The following KLF12 variants were observed in gnomAD, a reference collection of about 807,000 sequenced individuals.
KLF12 encodes the protein Krueppel-like factor 12.
A neutral mutation model predicts 37.8 loss-of-function variants in KLF12; 9 were observed. That is an observed-to-expected ratio of 0.24 (90% CI 0.14 to 0.42). The LOEUF (loss-of-function observed/expected upper bound fraction) is 0.42. Ranked by LOEUF, KLF12 falls within the 10% of genes least tolerant of loss-of-function variation. The pLI is 1.00. For synonymous variants in KLF12, 208 were observed against 202.1 expected (o/e 1.03, Z -0.25); for missense variants, 411 against 516.0 (o/e 0.80, Z 1.97).
chr13:73,780,748 C>T (rs988123097), intron 5 of KLF12, among the ~76,000 whole-genome samples: 1 of 152,238 alleles, frequency 6.6e-6, no homozygotes, highest in African/African-American at 2.4e-5. Context: ...AGGCGTGAGC[C>T]ACCGCGCCCA....
rs569439963 is a variant in KLF12, at chr13:73,694,436, C to T, written c.*1054G>A. 81 of 152,702 alleles carry T rather than the reference C, an allele frequency of 5.3e-4. No individual in the cohort carries two copies. Among genetic ancestry groups the T allele is most frequent in the African/African-American group, 1.8e-3 (75 of 41,558 alleles). 9.5% of individuals were successfully genotyped at this position (152,702 alleles called of 1,614,324 possible). A position where few individuals can be genotyped will look rare whatever the true frequency, so the allele number is the denominator to read the frequency against. ...CTTTAGTAAGTATGAAAATTGGTAA[C>T]GTGAGTCCTCAGTGAAGTTATTGTA... is the stretch of plus-strand genomic sequence containing the variant. On this transcript the variant is annotated 3_prime_UTR_variant, in exon 8 of 8. Transcript: ENST00000377669.
At chr13:73,763,685 G>A (rs988985556) in intron 6 of KLF12, among the ~76,000 whole-genome samples, 1 of 152,114 alleles carries the variant, frequency 6.6e-6, no homozygotes, top group African/African-American at 2.4e-5. Context: ...TGACAACTCT[G>A]TACTCTACCC....
Position 73,840,490 on chromosome 13 carries a change from A to G in KLF12, c.670+5337T>C, listed in dbSNP as rs543429429. Among the ~76,000 whole-genome samples the G allele has an allele frequency of 9.9e-5, 15 of 152,180 alleles. No individual in the cohort carries two copies. In the South Asian group the frequency reaches 1.9e-3, roughly 19 times the overall value. ...GGCATATCAAATTTAACACGTCCCAAAGGGAATTCCTCTCTCAACCCCACT... is the reference window on the plus strand; with the variant it reads ...GGCATATCAAATTTAACACGTCCCAGAGGGAATTCCTCTCTCAACCCCACT... On this transcript the variant is annotated intron_variant, in intron 4 of 7. Transcript: ENST00000377669.
the KLF12 span, among the ~76,000 whole-genome samples, chr13:74,273,784 A>C: frequency 2.0e-5 from 3 of 152,130 alleles, no homozygotes; most frequent in African/African-American, 7.2e-5. Flanking sequence ...AGGAGTTCAA[A>C]TAGTACAAGG....
At chr13:73,941,868 C>T (rs1051643642) in intron 3 of KLF12, among the ~76,000 whole-genome samples, 6 of 152,032 alleles carry the variant, frequency 3.9e-5, no homozygotes, top group Admixed American at 3.3e-4. Flanking sequence ...GTTCTATTTC[C>T]CTCCAACATG....
the KLF12 span, among the ~76,000 whole-genome samples, chr13:74,244,829 C>T: frequency 1.8e-4 from 28 of 152,258 alleles, no homozygotes; most frequent in Non-Finnish European, 3.4e-4. Flanking sequence ...GTTTTGAATT[C>T]CCCCAGCACA....
At chr13:74,284,701 T>G in the KLF12 span, among the ~76,000 whole-genome samples, 5 of 152,110 alleles carry the variant, frequency 3.3e-5, no homozygotes, top group African/African-American at 4.8e-5. Flanking sequence ...CAATGGTGGC[T>G]TTGGAGGTGA....
intron 5 of KLF12, among the ~76,000 whole-genome samples, chr13:73,786,161 T>G (rs1353061112): frequency 1.3e-5 from 2 of 152,128 alleles, no homozygotes; most frequent in Admixed American, 1.3e-4. Context: ...CAGCTCCAAT[T>G]AGAGGTGCAA....
At chr13:74,184,293 A>G in the KLF12 span, among the ~76,000 whole-genome samples, 1 of 152,230 alleles carries the variant, frequency 6.6e-6, no homozygotes, top group Non-Finnish European at 1.5e-5. Flanking sequence ...TCATTTCAGA[A>G]GATAATTAAA....
At chr13:74,070,181 T>C (rs9543518) in intron 1 of KLF12, among the ~76,000 whole-genome samples, 106,685 of 152,102 alleles carry the variant, frequency 0.7, 39,549 homozygotes, top group East Asian at 0.9. Flanking sequence ...GACTACAAAG[T>C]GACAGGAAGC....
the KLF12 span, among the ~76,000 whole-genome samples, chr13:74,238,827 C>T: frequency 6.6e-6 from 1 of 152,066 alleles, no homozygotes; most frequent in Non-Finnish European, 1.5e-5. Flanking sequence ...TGATTCTTCT[C>T]TCTTTTTTTC....
rs376741401 is a variant in KLF12, at chr13:74,071,671, C to G, written c.-32+62068G>C. Among the ~76,000 whole-genome samples the G allele has an allele frequency of 2.6e-5, 4 of 151,842 alleles. No homozygotes were observed. The East Asian group carries it at 5.8e-4, about 22-fold the overall frequency. ...TCGCACCACTGCACTCCAGCCTGGG[C>G]GACAGAGCGAGACTCCGTCTCAAAA... On this transcript the variant is annotated intron_variant, in intron 1 of 7. Transcript: ENST00000377669.
chr13:73,744,943 C>T (rs1020246464), intron 6 of KLF12, among the ~76,000 whole-genome samples: 2 of 152,074 alleles, frequency 1.3e-5, no homozygotes, highest in African/African-American at 4.8e-5. Flanking sequence ...AATTCTGAGG[C>T]CATGGTTGCA....
chr13:74,112,633 A>C (rs535475903), intron 1 of KLF12, among the ~76,000 whole-genome samples: 1 of 152,124 alleles, frequency 6.6e-6, no homozygotes, highest in African/African-American at 2.4e-5. Flanking sequence ...TGACCTTCTA[A>C]GACAGTGAAC....
chr13:74,049,490 A>G lies in KLF12; in HGVS notation c.-31-54437T>C, dbSNP rs141351033. Among the ~76,000 whole-genome samples the G allele has an allele frequency of 1.4e-3, 212 of 152,344 alleles. 2 individuals are homozygous for G. Among genetic ancestry groups the G allele is most frequent in the African/African-American group, 4.9e-3 (204 of 41,572 alleles). ...GCTTAGTGCCCCACACAGAGATTAC[A>G]GACATTATTAATGCACTCACCAAAT... On this transcript the variant is annotated intron_variant, in intron 1 of 7. Coordinates refer to ENST00000377669, the MANE Select transcript of KLF12 (RefSeq NM_007249.5).
chr13:74,015,011 T>C (rs535469742), intron 1 of KLF12, among the ~76,000 whole-genome samples: 1 of 152,296 alleles, frequency 6.6e-6, no homozygotes, highest in Admixed American at 6.5e-5. Flanking sequence ...CTACAGTTTA[T>C]TACCTTTTCA....
chr13:73,855,335 G>A (rs8000475), intron 3 of KLF12, among the ~76,000 whole-genome samples: 3,427 of 152,232 alleles, frequency 0.023, 124 homozygotes, highest in African/African-American at 0.077. Context: ...GTGAGAACAC[G>A]TGGTATTTGG....
chr13:73,720,231 G>C (rs556025197), intron 6 of KLF12, among the ~76,000 whole-genome samples: 1 of 152,250 alleles, frequency 6.6e-6, no homozygotes, highest in South Asian at 2.1e-4. Flanking sequence ...TTAGGTAACA[G>C]AACAGCTGGG....
At chr13:73,846,424 T>C in intron 3 of KLF12, 51 bp from the exon 4 acceptor site, 1 of 1,475,494 alleles carries the variant, frequency 6.8e-7, no homozygotes, top group Non-Finnish European at 9.3e-7. Flanking sequence ...TCACACATTT[T>C]ATCGATGCAT....
Sources: gnomAD v4.1 joint callset for allele counts (sites outside exome capture counted in the v4.1 genomes callset) on GRCh38, gnomAD v4.1.1 for gene constraint, MANE v1.5 for transcripts, NCBI Gene and HGNC (gene_info 2026-07-23, HGNC 2026-07-21) for gene names.